GLRA1: variants seen among roughly 807,000 people sequenced by gnomAD.
GLRA1 encodes the protein glycine receptor alpha 1, also known as glycine receptor subunit alpha-1.
A neutral mutation model predicts 48.3 loss-of-function variants in GLRA1; 37 were observed. That is an observed-to-expected ratio of 0.77 (90% CI 0.59 to 1.01). The LOEUF (loss-of-function observed/expected upper bound fraction) is 1.01. Ranked by LOEUF, GLRA1 falls within the 50% of genes least tolerant of loss-of-function variation. The probability of loss-of-function intolerance (pLI) is 0.00; values close to 1 mark genes in which losing one functional copy is unlikely to be tolerated. For synonymous variants in GLRA1, 196 were observed against 210.7 expected, an observed-to-expected ratio of 0.93 and a Z score of 0.60; for missense variants, 427 against 571.0, an observed-to-expected ratio of 0.75 and a Z score of 2.57.
intron 7 of GLRA1, among the ~76,000 whole-genome samples, chr5:151,845,168 C>A (rs1176575401): frequency 6.6e-6 from 1 of 152,168 alleles, no homozygotes; most frequent in African/African-American, 2.4e-5. Flanking sequence ...AGGCATTAAT[C>A]TATTCATGAG....
At chr5:151,874,000 A>G (rs1221012916) in intron 3 of GLRA1, among the ~76,000 whole-genome samples, 1 of 152,136 alleles carries the variant, frequency 6.6e-6, no homozygotes, top group Non-Finnish European at 1.5e-5. Flanking sequence ...TGCTGGATGC[A>G]CTTTGAGGAG....
At chr5:151,894,235 C>T (rs1754175162) in intron 1 of GLRA1, among the ~76,000 whole-genome samples, 1 of 152,126 alleles carries the variant, frequency 6.6e-6, no homozygotes, top group African/African-American at 2.4e-5. Flanking sequence ...CCCAACCTGT[C>T]TTGTTCTTCC....
chr5:151,843,812 C>A (rs1177939168), intron 7 of GLRA1, among the ~76,000 whole-genome samples: 1 of 152,086 alleles, frequency 6.6e-6, no homozygotes, highest in Non-Finnish European at 1.5e-5. Flanking sequence ...GGTATCAATT[C>A]AACAGGGAAA....
chr5:151,893,759 T>C (rs1345747174), intron 1 of GLRA1, among the ~76,000 whole-genome samples: 2 of 152,226 alleles, frequency 1.3e-5, no homozygotes, highest in Non-Finnish European at 2.9e-5. Context: ...CAGTCTATCA[T>C]TGATGGACAT....
Position 151,849,217 on chromosome 5 carries a change from T to TTCCTTCCTTCCTTCCTTCCTTC in GLRA1, c.912+2172_912+2173insGAAGGAAGGAAGGAAGGAAGGA, listed in dbSNP as rs1561554717. On this transcript the variant is annotated intron_variant, in intron 7 of 8. Transcript: ENST00000274576. ...CTTTCTTTTCTTTCTTTCCTTCCTT[T>TTCCTTCCTTCCTTCCTTCCTTC]CTTCCTTCCTTCCTTCCTTCCTTCC... Among the ~76,000 whole-genome samples the TTCCTTCCTTCCTTCCTTCCTTC allele has an allele frequency of 5.4e-4, 34 of 62,948 alleles. 2 individuals are homozygous for TTCCTTCCTTCCTTCCTTCCTTC. The highest frequency in any genetic ancestry group is 9.6e-4 in the African/African-American group (14 of 14,520). 41.3% of individuals were successfully genotyped at this position (62,948 alleles called of 152,430 possible). A position where few individuals can be genotyped will look rare whatever the true frequency, so the allele number is the denominator to read the frequency against.
intron 7 of GLRA1, chr5:151,849,718 A>C (rs1159689479): frequency 3.5e-6 from 1 of 283,804 alleles, no homozygotes; most frequent in East Asian, 9.5e-5. Flanking sequence ...ACGCCCAGCT[A>C]ATTTTTTGTA....
At chr5:151,857,269 G>A (rs952365469) in intron 4 of GLRA1, among the ~76,000 whole-genome samples, 2 of 152,256 alleles carry the variant, frequency 1.3e-5, no homozygotes, top group Non-Finnish European at 2.9e-5. Flanking sequence ...AAATAATTAT[G>A]TGTGTATTTC....
At chr5:151,900,288 G>C (rs1754331824) in intron 1 of GLRA1, among the ~76,000 whole-genome samples, 1 of 152,150 alleles carries the variant, frequency 6.6e-6, no homozygotes, top group African/African-American at 2.4e-5. Flanking sequence ...CTTCACTCTA[G>C]TCCTGGCCCT....
intron 4 of GLRA1, 34 bp downstream of exon 4, chr5:151,859,751 G>A (rs1296013398): frequency 6.9e-7 from 1 of 1,444,184 alleles, no homozygotes; most frequent in Non-Finnish European, 9.8e-7. Flanking sequence ...GACATGTTCT[G>A]AGCAGGGAGT....
chr5:151,873,191 G>A (rs1038169936), intron 3 of GLRA1, among the ~76,000 whole-genome samples: 16 of 149,626 alleles, frequency 1.1e-4, no homozygotes, highest in Non-Finnish European at 1.8e-4. Flanking sequence ...GAAATGGAAA[G>A]GTCTTTGAGG....
chr5:151,905,565 T>A (rs571534515), intron 1 of GLRA1, among the ~76,000 whole-genome samples: 1 of 152,298 alleles, frequency 6.6e-6, no homozygotes, highest in East Asian at 1.9e-4. Context: ...CAAACCTCTG[T>A]TCATGTCCTA....
chr5:151,853,767 A>G (rs189493709), intron 6 of GLRA1, among the ~76,000 whole-genome samples: 1 of 152,228 alleles, frequency 6.6e-6, no homozygotes, highest in East Asian at 1.9e-4. Flanking sequence ...TGTTATATCT[A>G]GGAATCTATT....
chr5:151,875,283 T>C (rs1231417647), intron 3 of GLRA1, among the ~76,000 whole-genome samples: 1 of 152,082 alleles, frequency 6.6e-6, no homozygotes, highest in African/African-American at 2.4e-5. Flanking sequence ...TGATCTCCTC[T>C]CTCCTCAGCC....
chr5:151,906,743 A>C (rs1019609408), intron 1 of GLRA1, among the ~76,000 whole-genome samples: 13 of 152,236 alleles, frequency 8.5e-5, no homozygotes, highest in African/African-American at 3.1e-4. Context: ...CAGATGAAGT[A>C]ACAGGCACAG....
intron 1 of GLRA1, among the ~76,000 whole-genome samples, chr5:151,900,479 C>G (rs1754337878): frequency 6.6e-6 from 1 of 152,116 alleles, no homozygotes; most frequent in Non-Finnish European, 1.5e-5. Flanking sequence ...CCTGCTGTTC[C>G]TAATGTGGAC....
chr5:151,830,856 C>T (rs945119624), intron 7 of GLRA1, among the ~76,000 whole-genome samples: 1 of 152,218 alleles, frequency 6.6e-6, no homozygotes, highest in Non-Finnish European at 1.5e-5. Context: ...ACTTGGCTGG[C>T]AAGATGGCCA....
chr5:151,924,626 A>G lies in GLRA1; in HGVS notation c.-77T>C, dbSNP rs1333370896. The G allele has an allele frequency of 1.1e-6, 1 of 893,500 alleles. No homozygotes were observed. The highest frequency in any genetic ancestry group is 1.9e-6 in the Non-Finnish European group (1 of 521,804). 55.3% of individuals were successfully genotyped at this position (893,500 alleles called of 1,614,324 possible). ...TCAAATTGGCACTTACAAAACCAGA[A>G]AGCGCTATTGCAAAAAATAATCCAG... On this transcript the variant is annotated 5_prime_UTR_variant, in exon 1 of 9. Transcript: ENST00000274576.
chr5:151,844,953 T>G, intron 7 of GLRA1, among the ~76,000 whole-genome samples: 1 of 152,242 alleles, frequency 6.6e-6, no homozygotes, highest in South Asian at 2.1e-4. Flanking sequence ...TGTGCAGAGA[T>G]CACATGGTGA....
intron 7 of GLRA1, chr5:151,848,983 C>T (rs1040275523): frequency 2.8e-6 from 2 of 704,794 alleles, no homozygotes; most frequent in African/African-American, 1.8e-5. Flanking sequence ...ATGTCTGGAT[C>T]GATGGTACTG....
Sources: gnomAD v4.1 joint callset for allele counts (sites outside exome capture counted in the v4.1 genomes callset) on GRCh38, gnomAD v4.1.1 for gene constraint, MANE v1.5 for transcripts, NCBI Gene and HGNC (gene_info 2026-07-23, HGNC 2026-07-21) for gene names.